Variants in DNMBP observed in about 807,000 individuals in gnomAD.
DNMBP encodes dynamin-binding protein.
In DNMBP, 87 loss-of-function variants were observed where a neutral mutation model predicts 150.0. The observed-to-expected ratio is 0.58, with a 90% CI of 0.49 to 0.69. DNMBP has a LOEUF of 0.69. Ranked by LOEUF, DNMBP falls within the 30% of genes least tolerant of loss-of-function variation. DNMBP has a pLI of 0.00. For missense variants in DNMBP, 1,774 were observed against 1,949.0 expected, an observed-to-expected ratio of 0.91 and a Z score of 1.69; for synonymous variants, 711 against 750.4, an observed-to-expected ratio of 0.95 and a Z score of 0.86.
At chr10:99,929,098 C>T (rs369809399) in intron 4 of DNMBP, among the ~76,000 whole-genome samples, 2 of 151,894 alleles carry the variant, frequency 1.3e-5, no homozygotes, top group South Asian at 2.1e-4. Flanking sequence ...GAGCCATGAC[C>T]GTGCCACTGT....
At chr10:99,924,756 T>C (rs1359517125) in intron 4 of DNMBP, among the ~76,000 whole-genome samples, 1 of 152,248 alleles carries the variant, frequency 6.6e-6, no homozygotes, top group African/African-American at 2.4e-5. Context: ...AGATATCATG[T>C]TCACATGTTT....
chr10:99,946,998 G>C (rs1251582867), intron 4 of DNMBP, among the ~76,000 whole-genome samples: 2 of 152,124 alleles, frequency 1.3e-5, no homozygotes, highest in Non-Finnish European at 2.9e-5. Context: ...CATCAGAGAA[G>C]TGCAAATCAA....
intron 4 of DNMBP, among the ~76,000 whole-genome samples, chr10:99,935,089 A>C (rs868683266): frequency 1.1e-3 from 72 of 65,514 alleles, no homozygotes; most frequent in African/African-American, 3.3e-3. Context: ...TGTCTCCACA[A>C]AAAAAAAAAA....
At chr10:99,951,255 G>A (rs2040419550) in intron 4 of DNMBP, among the ~76,000 whole-genome samples, 1 of 152,242 alleles carries the variant, frequency 6.6e-6, no homozygotes, top group Admixed American at 6.5e-5. Context: ...ATGCCTGGAT[G>A]TCCAGGCAGA....
chr10:99,970,981 A>AAAAAAATAAAAAAAAAAAT (rs2040668731), intron 2 of DNMBP, among the ~76,000 whole-genome samples: 2 of 146,208 alleles, frequency 1.4e-5, no homozygotes, highest in African/African-American at 5.1e-5. Context: ...CAAAAAAAAA[A>AAAAAAATAAAAAAAAAAAT]AAAAAAAAAA....
chr10:99,955,984 G>A lies in DNMBP; in HGVS notation c.1490C>T (p.Pro497Leu), dbSNP rs774055890. ...ATAACTTGCTAGGTTGTGGAGCTGA[G>A]GACTTGATTGTCTGGGTTTGACTAC... ...SRVVKPRQSS[P>L]QLHNLASYTK... The change falls in exon 4 of 17, where the codon CCT (proline) becomes CTT (leucine). Residue 497 changes from proline (P) to leucine (L), a missense_variant. By Grantham distance (98) the Pro-to-Leu change is moderately conservative (BLOSUM62 -3). This residue lies in a region of DNMBP where 1,430 missense variants were observed against 1,492.5 expected (regional missense o/e 0.96). Transcript: ENST00000324109. 3 of 1,614,178 alleles carry A rather than the reference G, an allele frequency of 1.9e-6. No individual in the cohort carries two copies. Among genetic ancestry groups the A allele is most frequent in the Non-Finnish European group, 2.5e-6 (3 of 1,180,032 alleles).
chr10:99,951,822 ACTT>A (rs1395452226), intron 4 of DNMBP, among the ~76,000 whole-genome samples: 64 of 152,266 alleles, frequency 4.2e-4, no homozygotes, highest in African/African-American at 1.3e-3. Context: ...CGAACTGTGG[ACTT>A]TTGAGTTAAT....
chr10:99,940,363 C>A (rs2040281216), intron 4 of DNMBP, among the ~76,000 whole-genome samples: 2 of 152,110 alleles, frequency 1.3e-5, no homozygotes, highest in Non-Finnish European at 2.9e-5. Context: ...CACCTTTTCA[C>A]CATCAAACCT....
At chr10:99,915,108 A>AAAAAATATATATATAT (rs10654940) in intron 4 of DNMBP, among the ~76,000 whole-genome samples, 2 of 99,796 alleles carry the variant, frequency 2.0e-5, no homozygotes, top group African/African-American at 8.8e-5. Context: ...AAAAAAAAAA[A>AAAAAATATATATATAT]ATATATATAT....
At chr10:99,921,532 T>G (rs932820083) in intron 4 of DNMBP, among the ~76,000 whole-genome samples, 1 of 152,102 alleles carries the variant, frequency 6.6e-6, no homozygotes, top group Non-Finnish European at 1.5e-5. Flanking sequence ...CCTACAGTAC[T>G]TAGCACAGCA....
intron 4 of DNMBP, 36 bp downstream of exon 4, chr10:99,955,178 C>A (rs1259569444): frequency 6.4e-7 from 1 of 1,569,184 alleles, no homozygotes; most frequent in Non-Finnish European, 8.7e-7. Flanking sequence ...TTGTGAGTGT[C>A]AAGAAACAAT....
At chr10:99,919,969 T>G (rs1050387462) in intron 4 of DNMBP, among the ~76,000 whole-genome samples, 1 of 152,170 alleles carries the variant, frequency 6.6e-6, no homozygotes, top group African/African-American at 2.4e-5. Flanking sequence ...TATAAATTCA[T>G]GAAACAAAAG....
intron 1 of DNMBP, among the ~76,000 whole-genome samples, chr10:100,002,980 G>A (rs1180101939): frequency 6.6e-6 from 1 of 152,212 alleles, no homozygotes; most frequent in Non-Finnish European, 1.5e-5. Context: ...ATGCCCGTTA[G>A]TGTAGCAGCT....
intron 3 of DNMBP, among the ~76,000 whole-genome samples, chr10:99,962,617 C>T (rs1194401639): frequency 1.3e-5 from 2 of 151,324 alleles, no homozygotes; most frequent in Non-Finnish European, 1.5e-5. Context: ...GGCGATAGAG[C>T]GAGACTCCGT....
At chr10:99,892,245 G>A (rs1173746699) in intron 11 of DNMBP, among the ~76,000 whole-genome samples, 25 of 149,804 alleles carry the variant, frequency 1.7e-4, no homozygotes, top group African/African-American at 4.0e-4. Flanking sequence ...CCACCACCCC[G>A]TCTGGGAGGT....
At chr10:99,959,698 T>TA (rs201356926) in intron 3 of DNMBP, among the ~76,000 whole-genome samples, 4 of 148,978 alleles carry the variant, frequency 2.7e-5, no homozygotes, top group Admixed American at 1.3e-4. Flanking sequence ...ATTTAAAATT[T>TA]AAAAAAAAAT....
intron 4 of DNMBP, among the ~76,000 whole-genome samples, chr10:99,944,610 C>T (rs939020523): frequency 1.3e-5 from 2 of 151,990 alleles, no homozygotes; most frequent in African/African-American, 2.4e-5. Context: ...TCGCTATGTA[C>T]CCAGCCCTTA....
At chr10:99,992,423 T>C (rs1371288011) in intron 1 of DNMBP, among the ~76,000 whole-genome samples, 2 of 152,080 alleles carry the variant, frequency 1.3e-5, no homozygotes, top group Non-Finnish European at 2.9e-5. Context: ...CTTTCTTATC[T>C]GTAAAATGGG....
rs1476332025 is a variant in DNMBP, at chr10:99,959,030, A to C, written c.269-1825T>G. Among the ~76,000 whole-genome samples the C allele has an allele frequency of 2.6e-5, 4 of 152,212 alleles. No individual in the cohort carries two copies. In the East Asian group the frequency reaches 7.7e-4, roughly 29 times the overall value. ...GTGTAAGGCTGGATTTTCTTCACAT[A>C]ATTCCATGAAAACAACACATTGCAA... On this transcript the variant is annotated intron_variant, in intron 3 of 16. Coordinates refer to ENST00000324109, the MANE Select transcript of DNMBP (RefSeq NM_015221.4).
Sources: allele counts gnomAD v4.1 joint callset (sites outside exome capture counted in the v4.1 genomes callset), GRCh38; gene constraint gnomAD v4.1.1; regional missense constraint gnomAD v4.1.1; transcripts MANE v1.5; gene names NCBI Gene and HGNC (gene_info 2026-07-23, HGNC 2026-07-21).